Variants in CHD9 observed in about 807,000 individuals in gnomAD.
The protein encoded by CHD9 is chromodomain helicase DNA binding protein 9.
A neutral mutation model predicts 316.1 loss-of-function variants in CHD9; 77 were observed. The observed-to-expected ratio is 0.24, with a 90% CI of 0.20 to 0.29. The LOEUF (loss-of-function observed/expected upper bound fraction) is 0.29. CHD9 is among the 10% of genes least tolerant of loss of function. The pLI is 1.00. For missense variants in CHD9, 2,763 were observed against 3,438.1 expected (o/e 0.80, Z 4.91); for synonymous variants, 1,129 against 1,158.3 (o/e 0.97, Z 0.51).
In CHD9 at chr16:53,239,422, G is replaced by A. The variant is rs535850419; in HGVS notation, c.2877+836G>A. Among the ~76,000 whole-genome samples, 95 of 151,850 alleles carry A rather than the reference G, an allele frequency of 6.3e-4. 1 individual carries two copies. Among genetic ancestry groups the A allele is most frequent in the Middle Eastern group, 3.4e-3 (1 of 294 alleles). ...CAACATAGCAAGACCCCATCTCTAC[G>A]AAAAAATTAAAATATTTTTTAAAAA... On this transcript the variant is annotated intron_variant, in intron 12 of 38. Coordinates refer to ENST00000447540, the MANE Select transcript of CHD9 (RefSeq NM_001308319.2).
chr16:53,135,053 G>C (rs1941801313), intron 1 of CHD9, among the ~76,000 whole-genome samples: 1 of 152,178 alleles, frequency 6.6e-6, no homozygotes, highest in Non-Finnish European at 1.5e-5. Flanking sequence ...CCCTCAGTTG[G>C]TGATTCTAAG....
intron 1 of CHD9, among the ~76,000 whole-genome samples, chr16:53,081,117 C>G: frequency 6.6e-6 from 1 of 152,196 alleles, no homozygotes; most frequent in East Asian, 1.9e-4. Context: ...TTCCATCAGG[C>G]AGTGTTTAGA....
At chr16:53,154,249 T>A (rs1487428106) in intron 1 of CHD9, among the ~76,000 whole-genome samples, 1 of 152,244 alleles carries the variant, frequency 6.6e-6, no homozygotes. Flanking sequence ...AATGTTTTAC[T>A]AATATTTCCT....
intron 17 of CHD9, among the ~76,000 whole-genome samples, chr16:53,253,644 GA>G (rs1285861234): frequency 6.6e-6 from 1 of 152,084 alleles, no homozygotes; most frequent in Non-Finnish European, 1.5e-5. Context: ...TAATGTAATT[GA>G]AAAAAATTTA....
chr16:53,102,532 T>C lies in CHD9; in HGVS notation c.-165+47455T>C, dbSNP rs748287558. Reference sequence around the variant, plus strand: ...GAGTCTCTCTTCTGAACTGTGACACTCTATACCCACAATAAATATTTTTTT... The same window carrying C: ...GAGTCTCTCTTCTGAACTGTGACACCCTATACCCACAATAAATATTTTTTT... On this transcript the variant is annotated intron_variant, in intron 1 of 38. Coordinates refer to ENST00000447540, the MANE Select transcript of CHD9 (RefSeq NM_001308319.2). 1.1e-3 allele frequency among the ~76,000 whole-genome samples: 169 copies of C among 152,104 alleles called. 1 individual carries two copies. The highest frequency in any genetic ancestry group is 1.9e-3 in the Non-Finnish European group (132 of 67,990).
chr16:53,107,489 T>TAAAATAAAATAAAATA (rs377019215), intron 1 of CHD9, among the ~76,000 whole-genome samples: 7 of 123,138 alleles, frequency 5.7e-5, no homozygotes, highest in African/African-American at 2.6e-4. Flanking sequence ...TAAAATAAAA[T>TAAAATAAAATAAAATA]AAATAAAATA....
In CHD9 at chr16:53,286,319, A is replaced by T; in HGVS notation, c.5165A>T (p.Gln1722Leu). The T allele has an allele frequency of 1.2e-6, 2 of 1,609,062 alleles. No individual in the cohort carries two copies. Among genetic ancestry groups the T allele is most frequent in the Non-Finnish European group, 1.7e-6 (2 of 1,175,544 alleles). The change falls in exon 26 of 39, where the codon CAG becomes CTG. Residue 1722 changes from glutamine (Q) to leucine (L), a missense_variant. Gln to Leu is a moderately radical substitution (Grantham distance 113). This residue lies in a region of CHD9 where 183 missense variants were observed against 258.5 expected (regional missense o/e 0.71). Coordinates refer to ENST00000447540, the MANE Select transcript of CHD9 (RefSeq NM_001308319.2). Reference protein sequence around the residue: ...KPDEKAVAAEQRANDYMDGDV... With the variant: ...KPDEKAVAAELRANDYMDGDV... ...GATGAGAAAGCAGTTGCTGCTGAAC[A>T]GAGAGCGAATGATTATATGGATGGG...
intron 1 of CHD9, among the ~76,000 whole-genome samples, chr16:53,072,275 A>AT (rs1204595670): frequency 7.0e-6 from 1 of 143,586 alleles, no homozygotes; most frequent in African/African-American, 2.6e-5. Context: ...ACCAAAACTC[A>AT]TTTTTCCATT....
At chr16:53,271,472 G>A (rs2052255706) in intron 22 of CHD9, among the ~76,000 whole-genome samples, 1 of 151,958 alleles carries the variant, frequency 6.6e-6, no homozygotes. Flanking sequence ...GGGATGCTGA[G>A]GCATGAGAAT....
chr16:53,073,425 A>G (rs1165721317), intron 1 of CHD9, among the ~76,000 whole-genome samples: 1 of 152,220 alleles, frequency 6.6e-6, no homozygotes, highest in East Asian at 1.9e-4. Context: ...ACTGTTGTGA[A>G]TGATGCTGCT....
At chr16:53,134,543 G>A (rs895045099) in intron 1 of CHD9, among the ~76,000 whole-genome samples, 1 of 152,038 alleles carries the variant, frequency 6.6e-6, no homozygotes, top group Non-Finnish European at 1.5e-5. Context: ...GAATAAAATC[G>A]TATCTTGTCC....
intron 1 of CHD9, among the ~76,000 whole-genome samples, chr16:53,073,602 C>T (rs186986325): frequency 5.8e-4 from 89 of 152,316 alleles, no homozygotes; most frequent in Admixed American, 2.6e-3. Context: ...GTGGTGGGAG[C>T]GGCCCAGTTG....
intron 3 of CHD9, among the ~76,000 whole-genome samples, chr16:53,221,671 A>G (rs1223438889): frequency 2.0e-5 from 3 of 152,190 alleles, no homozygotes; most frequent in African/African-American, 7.2e-5. Context: ...ATAAACATAC[A>G]TATATGACGA....
chr16:53,201,878 C>T (rs975257415), intron 2 of CHD9, among the ~76,000 whole-genome samples: 7 of 151,618 alleles, frequency 4.6e-5, no homozygotes, highest in Admixed American at 1.3e-4. Flanking sequence ...TGTTTTGAGA[C>T]AGGGTTTTGC....
intron 1 of CHD9, among the ~76,000 whole-genome samples, chr16:53,111,238 A>G (rs994980394): frequency 2.0e-5 from 3 of 152,104 alleles, no homozygotes; most frequent in Non-Finnish European, 4.4e-5. Context: ...CATGTGCCCC[A>G]CCAAGCGCAA....
intron 1 of CHD9, among the ~76,000 whole-genome samples, chr16:53,152,692 G>A (rs2152739087): frequency 6.6e-6 from 1 of 152,278 alleles, no homozygotes; most frequent in Non-Finnish European, 1.5e-5. Context: ...AAGGTAAATA[G>A]CAGGCTGTTA....
chr16:53,274,522 C>T (rs2052599836), intron 24 of CHD9, among the ~76,000 whole-genome samples: 1 of 152,052 alleles, frequency 6.6e-6, no homozygotes, highest in African/African-American at 2.4e-5. Context: ...GTGGCACAAT[C>T]TCAGCTCACT....
chr16:53,158,333 G>A (rs1183300764), intron 2 of CHD9, among the ~76,000 whole-genome samples: 1 of 152,146 alleles, frequency 6.6e-6, no homozygotes, highest in Admixed American at 6.6e-5. Flanking sequence ...TAGACCATAG[G>A]CACTAAAAAG....
At chr16:53,233,297 G>C (rs1375166851) in intron 10 of CHD9, among the ~76,000 whole-genome samples, 1 of 152,168 alleles carries the variant, frequency 6.6e-6, no homozygotes, top group Non-Finnish European at 1.5e-5. Flanking sequence ...AAGTTTTACC[G>C]GTTTATTCCT....
Sources: allele counts gnomAD v4.1 joint callset (sites outside exome capture counted in the v4.1 genomes callset), GRCh38; gene constraint gnomAD v4.1.1; regional missense constraint gnomAD v4.1.1; transcripts MANE v1.5; gene names NCBI Gene and HGNC (gene_info 2026-07-23, HGNC 2026-07-21).